The following NCOA2 variants were observed in gnomAD, a reference collection of about 807,000 sequenced individuals.
The protein encoded by NCOA2 is nuclear receptor coactivator 2.
In NCOA2, 21 loss-of-function variants were observed where a neutral mutation model predicts 145.1. The observed-to-expected ratio is 0.14, with a 90% CI of 0.10 to 0.21. NCOA2 has a LOEUF of 0.21. Among genes scored for constraint, NCOA2 ranks in the 10% least tolerant of loss-of-function variants. NCOA2 has a pLI of 1.00. For missense variants in NCOA2, 1,472 were observed against 1,837.6 expected (o/e 0.80, Z 3.64); for synonymous variants, 619 against 637.5 (o/e 0.97, Z 0.44).
chr8:70,404,888 A>C (rs1586703029), upstream of NCOA2, among the ~76,000 whole-genome samples: 1 of 152,028 alleles, frequency 6.6e-6, no homozygotes, highest in South Asian at 2.1e-4. Flanking sequence ...GAAAAAAAAA[A>C]CTTTTGTTTA....
At chr8:70,328,565 A>G (rs1806798448) in intron 1 of NCOA2, among the ~76,000 whole-genome samples, 1 of 152,208 alleles carries the variant, frequency 6.6e-6, no homozygotes, top group Non-Finnish European at 1.5e-5. Context: ...GAAGAACTCT[A>G]TTAATATCAG....
chr8:70,175,791 G>A (rs1188533046), intron 4 of NCOA2, among the ~76,000 whole-genome samples: 2 of 151,934 alleles, frequency 1.3e-5, no homozygotes, highest in Admixed American at 6.6e-5. Context: ...GCATGTTATC[G>A]TTGTAATTAA....
intron 2 of NCOA2, among the ~76,000 whole-genome samples, chr8:70,265,355 C>T (rs1166229170): frequency 5.3e-5 from 8 of 152,172 alleles, no homozygotes; most frequent in Admixed American, 5.2e-4. Context: ...CTCCCTGCCT[C>T]CGGAACTGTG....
chr8:70,422,662 C>A, the NCOA2 span, among the ~76,000 whole-genome samples: 25 of 152,122 alleles, frequency 1.6e-4, no homozygotes, highest in Non-Finnish European at 1.0e-4. Flanking sequence ...CTTCCCACCT[C>A]CCAGTGTTGC....
intron 4 of NCOA2, 45 bp from the exon 5 acceptor site, chr8:70,174,904 G>T: frequency 1.3e-6 from 2 of 1,511,748 alleles, no homozygotes; most frequent in South Asian, 1.1e-5. Context: ...GCTATTTCAA[G>T]GACAGAGTGA....
At chr8:70,233,201 G>C (rs1821303318) in intron 2 of NCOA2, among the ~76,000 whole-genome samples, 1 of 151,958 alleles carries the variant, frequency 6.6e-6, no homozygotes. Flanking sequence ...ACTCCAGCCT[G>C]GGTGACAGAG....
In NCOA2 at chr8:70,358,153, G is replaced by A. The variant is rs538921898; in HGVS notation, c.-77+45547C>T. Among the ~76,000 whole-genome samples, 3 of 152,246 alleles carry A rather than the reference G, an allele frequency of 2.0e-5. No homozygotes were observed. In the South Asian group the frequency reaches 6.2e-4, roughly 32 times the overall value. On this transcript the variant is annotated intron_variant, in intron 1 of 22. Transcript: ENST00000452400. ...GAAATTATCCTCTGTTCATGCATTA[G>A]GAGACTTAATACTGTTAAAATGGTA...
chr8:70,447,448 G>A, the NCOA2 span, among the ~76,000 whole-genome samples: 1 of 152,304 alleles, frequency 6.6e-6, no homozygotes, highest in East Asian at 1.9e-4. Flanking sequence ...ATCGTGTCCA[G>A]TCAAATAATG....
intron 2 of NCOA2, among the ~76,000 whole-genome samples, chr8:70,243,789 T>C (rs893377918): frequency 1.5e-5 from 1 of 66,252 alleles, no homozygotes; most frequent in African/African-American, 9.0e-5. Context: ...AAATAAAAAA[T>C]GGAAAAAAAA....
chr8:70,397,461 G>GAA (rs11347613), intron 1 of NCOA2, among the ~76,000 whole-genome samples: 11 of 107,048 alleles, frequency 1.0e-4, no homozygotes, highest in Non-Finnish European at 1.5e-4. Context: ...TCAAAAAAAG[G>GAA]AAAAAAAAAA....
chr8:70,430,087 G>A, the NCOA2 span, among the ~76,000 whole-genome samples: 2 of 152,192 alleles, frequency 1.3e-5, no homozygotes, highest in Non-Finnish European at 2.9e-5. Flanking sequence ...TCTTGGGCTC[G>A]AGTGATCCTC....
intron 1 of NCOA2, among the ~76,000 whole-genome samples, chr8:70,390,874 G>A (rs756018808): frequency 2.6e-5 from 4 of 152,166 alleles, no homozygotes; most frequent in Non-Finnish European, 5.9e-5. Flanking sequence ...GAGTGAGACT[G>A]ACCAGGTACC....
chr8:70,238,060 AT>A (rs1261122652), intron 2 of NCOA2, among the ~76,000 whole-genome samples: 3 of 152,212 alleles, frequency 2.0e-5, no homozygotes, highest in Non-Finnish European at 2.9e-5. Flanking sequence ...AACATATGTG[AT>A]TAAGATAGAA....
At chr8:70,308,413 A>G (rs1828052067) in intron 1 of NCOA2, among the ~76,000 whole-genome samples, 1 of 152,136 alleles carries the variant, frequency 6.6e-6, no homozygotes. Flanking sequence ...ACTGGCCTAC[A>G]AGTTATCTAC....
At chr8:70,415,016 C>T in the NCOA2 span, among the ~76,000 whole-genome samples, 1 of 152,048 alleles carries the variant, frequency 6.6e-6, no homozygotes, top group African/African-American at 2.4e-5. Flanking sequence ...AGTTCAAGTA[C>T]TGGAGACTAG....
intron 1 of NCOA2, among the ~76,000 whole-genome samples, chr8:70,368,942 T>C (rs1364753213): frequency 6.6e-6 from 1 of 152,140 alleles, no homozygotes; most frequent in Admixed American, 6.5e-5. Context: ...ATCTCTGATA[T>C]AATGGCTACT....
intron 1 of NCOA2, among the ~76,000 whole-genome samples, chr8:70,325,274 T>C (rs1806455045): frequency 6.6e-6 from 1 of 152,240 alleles, no homozygotes; most frequent in South Asian, 2.1e-4. Context: ...GTAAGGCTTC[T>C]GCTATACAAA....
intron 1 of NCOA2, among the ~76,000 whole-genome samples, chr8:70,397,760 A>T (rs1472158587): frequency 6.6e-6 from 1 of 152,232 alleles, no homozygotes; most frequent in East Asian, 1.9e-4. Context: ...CCTTCATTAC[A>T]TGAAATCTAT....
chr8:70,169,584 A>T (rs1813998220), intron 6 of NCOA2, among the ~76,000 whole-genome samples: 1 of 152,224 alleles, frequency 6.6e-6, no homozygotes, highest in African/African-American at 2.4e-5. Flanking sequence ...CTAGCATGGA[A>T]CAGGGTGAGG....
Sources: allele counts gnomAD v4.1 joint callset (sites outside exome capture counted in the v4.1 genomes callset), GRCh38; gene constraint gnomAD v4.1.1; transcripts MANE v1.5; gene names NCBI Gene and HGNC (gene_info 2026-07-23, HGNC 2026-07-21).